TRPM2: variants seen among roughly 807,000 people sequenced by gnomAD.
TRPM2 encodes estrogen-responsive element-associated gene 1 protein.
A neutral mutation model predicts 174.0 loss-of-function variants in TRPM2; 161 were observed. The observed-to-expected ratio is 0.93, with a 90% CI of 0.81 to 1.05. The LOEUF (loss-of-function observed/expected upper bound fraction) is 1.05, where lower values mean the gene tolerates loss of function less well. TRPM2 is among the 50% of genes least tolerant of loss of function. The pLI, the probability that TRPM2 is intolerant of heterozygous loss-of-function variation, is 0.00. For missense variants in TRPM2, 2,057 were observed against 2,038.0 expected (o/e 1.01, Z -0.18); for synonymous variants, 954 against 861.3 (o/e 1.11, Z -1.88).
intron 27 of TRPM2, among the ~76,000 whole-genome samples, chr21:44,433,296 G>T (rs952087811): frequency 1.1e-4 from 17 of 152,248 alleles, no homozygotes; most frequent in Non-Finnish European, 2.1e-4. Flanking sequence ...GCCAGGCAGA[G>T]CGTGTGGCCT....
intron 19 of TRPM2, among the ~76,000 whole-genome samples, chr21:44,409,915 T>C (rs577729175): frequency 6.7e-5 from 10 of 148,896 alleles, no homozygotes; most frequent in African/African-American, 2.5e-4. Flanking sequence ...GGCGTAGCCT[T>C]GTAGTAAGTT....
chr21:44,397,645 T>C, intron 12 of TRPM2, 102 bp from the exon 13 acceptor site: 1 of 1,342,378 alleles, frequency 7.4e-7, no homozygotes, highest in South Asian at 1.8e-5. Flanking sequence ...TGGCCCGCAC[T>C]GTCCCCGGGC....
At position 44,399,146 on chromosome 21, in the gene TRPM2, C is replaced by T. The variant is rs2049525046; in HGVS notation, c.2063-150C>T. The T allele has an allele frequency of 1.9e-6, 2 of 1,036,760 alleles. No individual in the cohort carries two copies. Among genetic ancestry groups the T allele is most frequent in the African/African-American group, 3.3e-5 (2 of 61,306 alleles). The allele number at this position is 1,036,760 out of a possible 1,614,324, so 64.2% of individuals were successfully genotyped here. ...CTCCCTGGGGTCCTCGTCCCTGGGC[C>T]TGGGTGTTTTGAGACACCAGCCCCA... On this transcript the variant is annotated intron_variant, in intron 13 of 31. Coordinates refer to ENST00000397928, the MANE Select transcript of TRPM2 (RefSeq NM_003307.4). This position sits in a 1 kb window ranked among gnomAD's most constrained non-coding sequence, Gnocchi z 4.6.
intron 2 of TRPM2, among the ~76,000 whole-genome samples, chr21:44,356,432 A>G (rs941855742): frequency 1.3e-5 from 2 of 151,778 alleles, no homozygotes; most frequent in African/African-American, 2.4e-5. Context: ...ATTTGGAGCG[A>G]GTCCACAGAG....
At chr21:44,425,532 C>T in intron 24 of TRPM2, 138 bp from the exon 25 acceptor site, 1 of 1,099,372 alleles carries the variant, frequency 9.1e-7, no homozygotes. Flanking sequence ...GGTGTTCGAC[C>T]TGCATGGCCA....
At chr21:44,405,335 A>G in intron 17 of TRPM2, 75 bp downstream of exon 17, 1 of 1,585,698 alleles carries the variant, frequency 6.3e-7, no homozygotes, top group Non-Finnish European at 8.5e-7. Flanking sequence ...GGCCGGGCCC[A>G]GAACCAGCCA....
rs1569107386 is a variant in TRPM2 at position 44,426,643 on chromosome 21, T to G, written c.3796-17T>G. 1 of 1,613,954 alleles carries G rather than the reference T, an allele frequency of 6.2e-7. No homozygotes were observed. The highest frequency in any genetic ancestry group is 2.2e-5 in the East Asian group (1 of 44,886). ...TGGGGGTAAAAATCTGAGGGAAAAC[T>G]CCCTGTTTTGCGACAGACGGAGTTC... On this transcript the variant is annotated splice_polypyrimidine_tract_variant and intron_variant, in intron 25 of 31. Coordinates refer to ENST00000397928, the MANE Select transcript of TRPM2 (RefSeq NM_003307.4).
chr21:44,417,196 G>T (rs2050323370), intron 20 of TRPM2, among the ~76,000 whole-genome samples: 1 of 133,518 alleles, frequency 7.5e-6, no homozygotes, highest in Non-Finnish European at 1.6e-5. Flanking sequence ...GGGCACGTGG[G>T]CGTGGCTCTG....
chr21:44,375,711 G>C, intron 5 of TRPM2, 122 bp from the exon 6 acceptor site: 1 of 1,178,496 alleles, frequency 8.5e-7, no homozygotes, highest in East Asian at 2.6e-5. Flanking sequence ...TCTCCAATAA[G>C]GCCACGTCCA....
chr21:44,381,952 GGATAGATA>G (rs71197895), intron 8 of TRPM2, among the ~76,000 whole-genome samples: 35,521 of 143,260 alleles, frequency 0.25, 4,952 homozygotes, highest in East Asian at 0.43. Context: ...ATAGATAGAT[GGATAGATA>G]GATAGATAGA....
intron 9 of TRPM2, among the ~76,000 whole-genome samples, chr21:44,384,211 T>C (rs1344111770): frequency 6.6e-6 from 1 of 152,260 alleles, no homozygotes; most frequent in Admixed American, 6.5e-5. Flanking sequence ...ATTCTGTGAA[T>C]AATTGTATGC....
intron 9 of TRPM2, among the ~76,000 whole-genome samples, chr21:44,390,055 G>A (rs1361482645): frequency 2.0e-5 from 3 of 151,952 alleles, no homozygotes; most frequent in African/African-American, 7.3e-5. Context: ...TGTATTTTTA[G>A]TAAAGACAGG....
upstream of TRPM2, among the ~76,000 whole-genome samples, chr21:44,351,478 G>T (rs1161219247): frequency 6.6e-6 from 1 of 152,222 alleles, no homozygotes; most frequent in African/African-American, 2.4e-5. Context: ...CTGTCTTCTG[G>T]AAGCTCATTT....
In TRPM2 at chr21:44,439,850, C is replaced by T. The variant is rs550955795; in HGVS notation, c.4269+682C>T. ...AATGCTCTTGCCTTGGCCTCCCAGG[C>T]AGCAGGGGCTGCAGCGGTGAGACAC... On this transcript the variant is annotated intron_variant, in intron 30 of 31. Transcript: ENST00000397928. This position sits in a 1 kb window ranked among gnomAD's most constrained non-coding sequence, Gnocchi z 5.1. Among the ~76,000 whole-genome samples, 310 of 152,238 alleles carry T rather than the reference C, an allele frequency of 2.0e-3. 1 individual carries two copies. Among genetic ancestry groups the T allele is most frequent in the African/African-American group, 7.3e-3 (302 of 41,560 alleles).
chr21:44,354,756 T>G lies in TRPM2; in HGVS notation c.254+20T>G. 1 of 1,610,596 alleles carries G rather than the reference T, an allele frequency of 6.2e-7. No homozygotes were observed. The highest frequency in any genetic ancestry group is 8.5e-7 in the Non-Finnish European group (1 of 1,176,774). On this transcript the variant is annotated intron_variant, in intron 2 of 31. Coordinates refer to ENST00000397928, the MANE Select transcript of TRPM2 (RefSeq NM_003307.4). The surrounding 1 kb of genome is among the most constrained non-coding windows in gnomAD (Gnocchi z 4.3). ...TGCTGGGTAAGTGACGTGATTTGTG[T>G]GTAAGACCTCTGACTTCTTCCTTCC...
intron 18 of TRPM2, among the ~76,000 whole-genome samples, chr21:44,406,278 C>G (rs1321496279): frequency 6.6e-6 from 1 of 151,948 alleles, no homozygotes; most frequent in Non-Finnish European, 1.5e-5. Context: ...GCCTCTGATT[C>G]AGCTCTAGGA....
intron 16 of TRPM2, among the ~76,000 whole-genome samples, chr21:44,403,087 C>T (rs2049683638): frequency 6.6e-6 from 1 of 152,160 alleles, no homozygotes; most frequent in Non-Finnish European, 1.5e-5. Flanking sequence ...TGGCTCTCCT[C>T]TTGCCACAGG....
At chr21:44,438,000 C>T (rs1464197180) in intron 29 of TRPM2, among the ~76,000 whole-genome samples, 1 of 152,276 alleles carries the variant, frequency 6.6e-6, no homozygotes, top group Non-Finnish European at 1.5e-5. Flanking sequence ...ATTTCTCTGA[C>T]CCCGAGCTCA....
intron 9 of TRPM2, among the ~76,000 whole-genome samples, chr21:44,384,027 A>C (rs1197450349): frequency 1.3e-5 from 2 of 152,232 alleles, no homozygotes; most frequent in Non-Finnish European, 2.9e-5. Flanking sequence ...CAATGACATA[A>C]AGAATAGAAA....
Sources: gnomAD v4.1 joint callset for allele counts (sites outside exome capture counted in the v4.1 genomes callset) on GRCh38, gnomAD v4.1.1 for gene constraint, Gnocchi (gnomAD v3.1) non-coding constraint, MANE v1.5 for transcripts, NCBI Gene and HGNC (gene_info 2026-07-23, HGNC 2026-07-21) for gene names.